The following INSR variants were observed in gnomAD, a reference collection of about 807,000 sequenced individuals.
INSR encodes insulin receptor.
A neutral mutation model predicts 142.6 loss-of-function variants in INSR; 67 were observed. The ratio of observed to expected loss-of-function variants is 0.47; its 90% CI spans 0.39 to 0.58. The LOEUF is 0.58. INSR is among the 20% of genes least tolerant of loss of function. INSR has a pLI of 0.00. For missense variants in INSR, 1,248 were observed against 1,833.2 expected (o/e 0.68, Z 5.83); for synonymous variants, 756 against 743.1 (o/e 1.02, Z -0.28).
At position 7,113,289 on chromosome 19, in the gene INSR, C is replaced by G. The variant is rs1272218922; in HGVS notation, c.*3767G>C. On this transcript the variant is annotated 3_prime_UTR_variant, in exon 22 of 22. Transcript: ENST00000302850. ...GCCCTGCTAGGATACAGTGAAAGAT[C>G]TGTCTGTCAGTTGGTAACATAGTCC... is the stretch of plus-strand genomic sequence containing the variant. 6.6e-6 allele frequency: 1 copy of G among 152,220 alleles called. No homozygotes were observed. The highest frequency in any genetic ancestry group is 2.4e-5 in the African/African-American group (1 of 41,440). 9.4% of individuals were successfully genotyped at this position (152,220 alleles called of 1,614,324 possible).
intron 10 of INSR, chr19:7,152,478 GA>G (rs1973396568): frequency 1.8e-6 from 1 of 549,696 alleles, no homozygotes; most frequent in African/African-American, 1.9e-5. Flanking sequence ...GGAGAGGTAA[GA>G]AAGGCAAATG....
chr19:7,126,016 CAA>C (rs1200081058), intron 16 of INSR, among the ~76,000 whole-genome samples: 4 of 152,130 alleles, frequency 2.6e-5, no homozygotes, highest in African/African-American at 9.7e-5. Context: ...TGGGAATCAA[CAA>C]GAATTGTCCA....
chr19:7,161,593 A>G (rs8106126), intron 9 of INSR, among the ~76,000 whole-genome samples: 100,795 of 151,938 alleles, frequency 0.66, 34,541 homozygotes, highest in African/African-American at 0.82. Context: ...TGAGATAACC[A>G]ATTCTTGCTG....
chr19:7,287,584 C>T (rs1404005057), intron 1 of INSR, among the ~76,000 whole-genome samples: 1 of 152,150 alleles, frequency 6.6e-6, no homozygotes, highest in Non-Finnish European at 1.5e-5. Flanking sequence ...AATCCTCATT[C>T]AATGCCAATA....
intron 4 of INSR, among the ~76,000 whole-genome samples, chr19:7,172,878 CAA>C (rs61587971): frequency 1.3e-4 from 19 of 143,148 alleles, no homozygotes; most frequent in Admixed American, 4.2e-4. Flanking sequence ...ACTAAAACTA[CAA>C]AAAAAAAAAA....
chr19:7,199,522 C>G (rs1321327458), intron 2 of INSR, among the ~76,000 whole-genome samples: 2 of 146,728 alleles, frequency 1.4e-5, no homozygotes, highest in Non-Finnish European at 3.0e-5. Context: ...TTCAGCCTCC[C>G]AAGGAGCTAG....
chr19:7,268,817 G>A (rs1025641007), intron 1 of INSR, among the ~76,000 whole-genome samples: 7 of 151,958 alleles, frequency 4.6e-5, no homozygotes, highest in Non-Finnish European at 7.4e-5. Context: ...TTTGGCTGGC[G>A]AAGTGCTTTG....
intron 1 of INSR, among the ~76,000 whole-genome samples, chr19:7,281,482 C>G (rs554228449): frequency 3.9e-4 from 59 of 151,518 alleles, no homozygotes; most frequent in African/African-American, 1.4e-3. Flanking sequence ...CGAGGCCAGC[C>G]TGGGCAACAC....
rs80150827 is a variant in INSR, at chr19:7,277,125, C to T, written c.101-9229G>A. The stretch of plus-strand genomic sequence containing the variant: ...GGCTGTGTATACCTGTTCTGTCTCC[C>T]ATCTGAGCCAGATGGAATCCATTCC... On this transcript the variant is annotated intron_variant, in intron 1 of 21. Coordinates refer to ENST00000302850, the MANE Select transcript of INSR (RefSeq NM_000208.4). Among the ~76,000 whole-genome samples, 100 of 152,224 alleles carry T rather than the reference C, an allele frequency of 6.6e-4. 1 individual carries two copies. The highest frequency in any genetic ancestry group is 3.0e-3 in the Admixed American group (46 of 15,270).
intron 11 of INSR, 108 bp from the exon 12 acceptor site, chr19:7,143,198 G>A: frequency 7.8e-7 from 1 of 1,277,292 alleles, no homozygotes; most frequent in Non-Finnish European, 1.1e-6. Flanking sequence ...CAGAGCGCAG[G>A]AGGGTGCAGC....
In INSR at chr19:7,242,153, C is replaced by CAAA. The variant is rs58299832; in HGVS notation, c.652+25189_652+25191dup. The stretch of plus-strand genomic sequence containing the variant: ...GGGTGACAGAGTGAGACTCTTGTCT[C>CAAA]AAAAAAAAAAAAAGAAGAAGGAGGA... On this transcript the variant is annotated intron_variant, in intron 2 of 21. Coordinates refer to ENST00000302850, the MANE Select transcript of INSR (RefSeq NM_000208.4). Among the ~76,000 whole-genome samples, 1,309 of 134,454 alleles carry CAAA rather than the reference C, an allele frequency of 9.7e-3. 38 individuals are homozygous for CAAA. Among genetic ancestry groups the CAAA allele is most frequent in the Admixed American group, 0.058 (769 of 13,232 alleles). 88.2% of individuals were successfully genotyped at this position (134,454 alleles called of 152,430 possible).
chr19:7,293,174 C>A (rs187121834), intron 1 of INSR, among the ~76,000 whole-genome samples: 177 of 152,306 alleles, frequency 1.2e-3, no homozygotes, highest in African/African-American at 4.0e-3. Flanking sequence ...ACTTCTGCTA[C>A]AATTGCTGCT....
intron 19 of INSR, among the ~76,000 whole-genome samples, chr19:7,121,549 C>T (rs1020929308): frequency 3.3e-5 from 5 of 152,018 alleles, no homozygotes; most frequent in African/African-American, 1.2e-4. Context: ...TCACTGCAGC[C>T]TCCACCTCCT....
chr19:7,264,933 C>T (rs1182985889), intron 2 of INSR, among the ~76,000 whole-genome samples: 2 of 152,196 alleles, frequency 1.3e-5, no homozygotes, highest in East Asian at 1.9e-4. Context: ...GGAGTCCTCA[C>T]AGACAATTCC....
intron 2 of INSR, among the ~76,000 whole-genome samples, chr19:7,220,485 C>A (rs746844226): frequency 6.6e-6 from 1 of 152,104 alleles, no homozygotes; most frequent in Non-Finnish European, 1.5e-5. Flanking sequence ...GACGGGGTTT[C>A]GCCATGTTGG....
Position 7,152,876 on chromosome 19 carries a change from G to T in INSR, c.2081C>A (p.Ser694Tyr). ...TWSPPFESED[S>Y]QKHNQSEYED... ...ATACTCACTCTGGTTGTGCTTCTGA[G>T]AATCTTCAGACTCGAATGGTGGAGA... The change falls in exon 10 of 22, where the codon TCT becomes TAT. Residue 694 changes from serine (S) to tyrosine (Y), a missense_variant. Ser to Tyr is a moderately radical substitution (Grantham distance 144). Around this residue, in one of 3 missense-constraint regions of INSR, gnomAD observed 1,069 missense variants for 1,654.0 expected, o/e 0.65. Transcript: ENST00000302850. 3 of 1,613,094 alleles carry T rather than the reference G, an allele frequency of 1.9e-6. No individual in the cohort carries two copies. The highest frequency in any genetic ancestry group is 2.5e-6 in the Non-Finnish European group (3 of 1,179,888).
In INSR at chr19:7,174,158, G is replaced by C. The variant is rs577756298; in HGVS notation, c.1123+425C>G. On this transcript the variant is annotated intron_variant, in intron 4 of 21. Coordinates refer to ENST00000302850, the MANE Select transcript of INSR (RefSeq NM_000208.4). ...AAAAAAAAAATTAGCCCGGCACAGT[G>C]ACACCTGCCTGTACTCCCAGCTACT... is the stretch of plus-strand genomic sequence containing the variant. Among the ~76,000 whole-genome samples, 7 of 151,734 alleles carry C rather than the reference G, an allele frequency of 4.6e-5. No individual in the cohort carries two copies. The South Asian group carries it at 1.3e-3, about 27-fold the overall frequency.
chr19:7,201,600 GGGC>G (rs1974954927), intron 2 of INSR, among the ~76,000 whole-genome samples: 1 of 151,174 alleles, frequency 6.6e-6, no homozygotes, highest in Admixed American at 6.6e-5. Context: ...ACTCCAGCCT[GGGC>G]GACCAAGTGA....
chr19:7,268,386 T>A, intron 1 of INSR: 1 of 971,920 alleles, frequency 1.0e-6, no homozygotes, highest in Non-Finnish European at 1.2e-6. Context: ...TCTCCTGACC[T>A]GCAATCAAGA....
Sources: gnomAD v4.1 joint callset for allele counts (sites outside exome capture counted in the v4.1 genomes callset) on GRCh38, gnomAD v4.1.1 for gene constraint, gnomAD v4.1.1 regional missense constraint, MANE v1.5 for transcripts, NCBI Gene and HGNC (gene_info 2026-07-23, HGNC 2026-07-21) for gene names.